Variants in POU6F2 observed in about 807,000 individuals in gnomAD.
POU6F2 encodes POU domain, class 6, transcription factor 2.
Under a neutral mutation model 71.3 loss-of-function variants are expected in POU6F2, and 31 were observed. That is an observed-to-expected ratio of 0.43 (90% CI 0.33 to 0.59). POU6F2 has a LOEUF of 0.59. POU6F2 is among the 20% of genes least tolerant of loss of function. The pLI is 0.04. For synonymous variants in POU6F2, 347 were observed against 355.7 expected (o/e 0.98, Z 0.27); for missense variants, 783 against 856.8 (o/e 0.91, Z 1.07).
At chr7:39,325,957 A>G (rs1562790901) in intron 4 of POU6F2, among the ~76,000 whole-genome samples, 1 of 152,218 alleles carries the variant, frequency 6.6e-6, no homozygotes, top group African/African-American at 2.4e-5. Context: ...AATATGGCTT[A>G]TGGGTTCTCT....
At chr7:39,307,383 TAGAA>T (rs1485031756) in intron 4 of POU6F2, among the ~76,000 whole-genome samples, 1 of 152,314 alleles carries the variant, frequency 6.6e-6, no homozygotes, top group East Asian at 1.9e-4. Context: ...ATGTAAAAGT[TAGAA>T]AGGCCATAAA....
At chr7:39,316,317 C>T (rs1785267192) in intron 4 of POU6F2, among the ~76,000 whole-genome samples, 2 of 152,256 alleles carry the variant, frequency 1.3e-5, no homozygotes, top group South Asian at 4.2e-4. Flanking sequence ...GTTTTGATTT[C>T]CTTTTTTAAC....
intron 4 of POU6F2, among the ~76,000 whole-genome samples, chr7:39,269,184 A>G (rs566585800): frequency 6.6e-6 from 1 of 152,294 alleles, no homozygotes; most frequent in African/African-American, 2.4e-5. Flanking sequence ...AGTATGTGTT[A>G]TAAAGAAATG....
intron 4 of POU6F2, among the ~76,000 whole-genome samples, chr7:39,222,790 T>C (rs1794396329): frequency 6.6e-6 from 1 of 152,236 alleles, no homozygotes; most frequent in African/African-American, 2.4e-5. Flanking sequence ...TAGCTACTCA[T>C]CTGTGGAATG....
chr7:39,340,155 C>T, intron 5 of POU6F2, 140 bp downstream of exon 5: 2 of 1,234,476 alleles, frequency 1.6e-6, no homozygotes, highest in Non-Finnish European at 1.1e-6. Context: ...ATCTCTTAGA[C>T]ATAGGGAAGA....
intron 5 of POU6F2, among the ~76,000 whole-genome samples, chr7:39,342,682 G>T (rs1785943437): frequency 6.6e-6 from 1 of 152,224 alleles, no homozygotes. Flanking sequence ...AAAAATAAAT[G>T]TAAGTAGGTT....
chr7:39,339,804 C>T lies in POU6F2; in HGVS notation c.761C>T (p.Pro254Leu), dbSNP rs1329241994. Residue 254 changes from proline (P) to leucine (L), a missense_variant, in exon 5 of 10, where the codon CCC (proline) becomes CTC (leucine). By Grantham distance (98) the Pro-to-Leu change is moderately conservative. Transcript: ENST00000518318. ...SQQQPLQPTP[P>L]QQPPPASQQP... The stretch of plus-strand genomic sequence containing the variant: ...CAGCAGCCGCTGCAGCCCACCCCAC[C>T]CCAGCAGCCACCACCCGCCTCTCAG... The T allele has an allele frequency of 1.9e-6, 3 of 1,571,950 alleles. No homozygotes were observed. Among genetic ancestry groups the T allele is most frequent in the Non-Finnish European group, 2.6e-6 (3 of 1,159,160 alleles).
chr7:39,407,513 TGTC>T (rs770057290), intron 6 of POU6F2, among the ~76,000 whole-genome samples: 4 of 150,946 alleles, frequency 2.6e-5, no homozygotes, highest in Non-Finnish European at 5.9e-5. Context: ...AAGCTGATGA[TGTC>T]GGGGTACCCT....
At chr7:39,166,791 G>A (rs1193968974) in intron 2 of POU6F2, among the ~76,000 whole-genome samples, 3 of 152,094 alleles carry the variant, frequency 2.0e-5, no homozygotes, top group African/African-American at 7.2e-5. Context: ...CCCTAGTAAG[G>A]CAGAAAGCCT....
At chr7:39,023,172 T>C (rs1433896464) in intron 1 of POU6F2, among the ~76,000 whole-genome samples, 1 of 152,084 alleles carries the variant, frequency 6.6e-6, no homozygotes, top group African/African-American at 2.4e-5. Context: ...GTTTTTTGCC[T>C]AGTTTTAAGA....
chr7:39,213,354 G>A (rs1794180699), intron 4 of POU6F2, among the ~76,000 whole-genome samples: 1 of 152,128 alleles, frequency 6.6e-6, no homozygotes, highest in South Asian at 2.1e-4. Context: ...GGGGATTAGG[G>A]ATTTCATGTG....
At chr7:39,118,840 C>T (rs940134141) in intron 2 of POU6F2, among the ~76,000 whole-genome samples, 1 of 152,152 alleles carries the variant, frequency 6.6e-6, no homozygotes, top group Admixed American at 6.5e-5. Context: ...ATGACCATGA[C>T]ATTTTAGAAG....
intron 4 of POU6F2, among the ~76,000 whole-genome samples, chr7:39,250,168 C>T (rs1783890006): frequency 1.3e-5 from 2 of 152,180 alleles, no homozygotes; most frequent in African/African-American, 4.8e-5. Flanking sequence ...AAAACCCCTG[C>T]AACCCACACA....
At chr7:39,090,179 G>A (rs1381942651) in intron 2 of POU6F2, among the ~76,000 whole-genome samples, 2 of 151,928 alleles carry the variant, frequency 1.3e-5, no homozygotes, top group Non-Finnish European at 2.9e-5. Context: ...TGTTGAAAAA[G>A]GCCTTAAAGT....
At chr7:39,084,084 TTCTC>T (rs2128720508) in intron 1 of POU6F2, among the ~76,000 whole-genome samples, 1 of 152,250 alleles carries the variant, frequency 6.6e-6, no homozygotes, top group South Asian at 2.1e-4. Flanking sequence ...AAGCCAGTCT[TTCTC>T]TCTCCCTCAT....
At chr7:39,126,434 T>G (rs1792139089) in intron 2 of POU6F2, among the ~76,000 whole-genome samples, 1 of 152,202 alleles carries the variant, frequency 6.6e-6, no homozygotes, top group East Asian at 1.9e-4. Context: ...TAGTCTTGAC[T>G]GTCATATTTG....
At chr7:39,145,988 G>A (rs1356863788) in intron 2 of POU6F2, among the ~76,000 whole-genome samples, 6 of 152,204 alleles carry the variant, frequency 3.9e-5, no homozygotes, top group Non-Finnish European at 8.8e-5. Context: ...TACCTATTGA[G>A]TGCCTGCTAT....
chr7:38,995,075 G>C (rs114532782), intron 1 of POU6F2, among the ~76,000 whole-genome samples: 114 of 152,256 alleles, frequency 7.5e-4, no homozygotes, highest in African/African-American at 2.6e-3. Flanking sequence ...ATTGACCATA[G>C]AATTTGAAAC....
chr7:39,014,398 C>G (rs2128704472), intron 1 of POU6F2, among the ~76,000 whole-genome samples: 1 of 152,192 alleles, frequency 6.6e-6, no homozygotes, highest in African/African-American at 2.4e-5. Context: ...TGAAGGTGAA[C>G]ATACTGAAAA....
Sources: gnomAD v4.1 joint callset for allele counts (sites outside exome capture counted in the v4.1 genomes callset) on GRCh38, gnomAD v4.1.1 for gene constraint, MANE v1.5 for transcripts, NCBI Gene and HGNC (gene_info 2026-07-23, HGNC 2026-07-21) for gene names.